The following UTS2 variants were observed in gnomAD, a reference collection of about 807,000 sequenced individuals.
The protein encoded by UTS2 is urotensin-2.
In UTS2, 10 loss-of-function variants were observed where a neutral mutation model predicts 12.6. The ratio of observed to expected loss-of-function variants is 0.80; its 90% CI spans 0.49 to 1.35. The LOEUF is 1.35. Ranked by LOEUF, UTS2 falls within the 40% of genes most tolerant of loss-of-function variation. The probability of loss-of-function intolerance (pLI) is 0.00; values close to 1 mark genes in which losing one functional copy is unlikely to be tolerated. For missense variants in UTS2, 142 were observed against 143.2 expected, an observed-to-expected ratio of 0.99 and a Z score of 0.04; for synonymous variants, 52 against 50.0, an observed-to-expected ratio of 1.04 and a Z score of -0.17.
chr1:7,855,249 T>C (rs1174639284), upstream of UTS2, among the ~76,000 whole-genome samples: 1 of 152,156 alleles, frequency 6.6e-6, no homozygotes, highest in Non-Finnish European at 1.5e-5. Flanking sequence ...AATTGGACTT[T>C]ATCAAAATTA....
chr1:7,854,342 TA>T (rs71567319), upstream of UTS2, among the ~76,000 whole-genome samples: 37,636 of 121,540 alleles, frequency 0.31, 5,845 homozygotes, highest in Middle Eastern at 0.5. Context: ...AGACTCTGTC[TA>T]AAAAAAAAAA....
At chr1:7,849,877 C>T (rs2097412125) in intron 2 of UTS2, among the ~76,000 whole-genome samples, 194 bp from the exon 3 acceptor site, 2 of 152,112 alleles carry the variant, frequency 1.3e-5, no homozygotes, top group South Asian at 4.2e-4. Context: ...ACTGCATTGT[C>T]CTCAGTAACT....
Sources: allele counts gnomAD v4.1 joint callset (sites outside exome capture counted in the v4.1 genomes callset), GRCh38; gene constraint gnomAD v4.1.1; transcripts MANE v1.5; gene names NCBI Gene and HGNC (gene_info 2026-07-23, HGNC 2026-07-21).